Variants in COL4A5 observed in about 807,000 individuals in gnomAD.
The protein encoded by COL4A5 is collagen type IV alpha 5 chain.
Under a neutral mutation model 130.2 loss-of-function variants are expected in COL4A5, and 26 were observed. The ratio of observed to expected loss-of-function variants is 0.20; its 90% CI spans 0.15 to 0.28. The LOEUF (loss-of-function observed/expected upper bound fraction) is 0.28. COL4A5 is among the 10% of genes least tolerant of loss of function. The probability of loss-of-function intolerance (pLI) is 1.00; values close to 1 mark genes in which losing one functional copy is unlikely to be tolerated. For synonymous variants in COL4A5, 496 were observed against 439.6 expected (o/e 1.13, Z -1.60); for missense variants, 1,131 against 1,344.3 (o/e 0.84, Z 2.48).
chrX:108,694,985 C>T, intron 51 of COL4A5, 64 bp downstream of exon 51: 1 of 886,445 alleles, frequency 1.1e-6, no homozygotes, highest in Non-Finnish European at 1.7e-6. Context: ...TACATTTCTT[C>T]CCAATATGAG....
At position 108,603,257 on chromosome X, in the gene COL4A5, CAA is replaced by C. The variant is rs762022225; in HGVS notation, c.2244+215_2244+216del. On this transcript the variant is annotated intron_variant, in intron 28 of 52. Coordinates refer to ENST00000328300, the MANE Select transcript of COL4A5 (RefSeq NM_033380.3). ...TAATAGTCCAAGGTCACATTTGGAG[CAA>C]AAAAAAAAAAAAAAAAAACCTAATT... Among the ~76,000 whole-genome samples the C allele has an allele frequency of 0.012, 521 of 43,229 alleles. 4 individuals are homozygous for C. Among genetic ancestry groups the C allele is most frequent in the East Asian group, 0.068 (97 of 1,420 alleles). The allele number at this position is 43,229 out of a possible 115,157, so 37.5% of individuals were successfully genotyped here.
At chrX:108,548,731 T>C (rs2065705085) in intron 2 of COL4A5, among the ~76,000 whole-genome samples, 1 of 111,182 alleles carries the variant, frequency 9.0e-6, no homozygotes, top group South Asian at 3.8e-4. Flanking sequence ...TGAAAAAAGC[T>C]AGAGAAAAAT....
chrX:108,485,094 C>T (rs979689161), intron 1 of COL4A5, among the ~76,000 whole-genome samples: 8 of 111,972 alleles, frequency 7.1e-5, no homozygotes, highest in Non-Finnish European at 1.1e-4. Context: ...CACAGGCCCA[C>T]GGGGACTACT....
At chrX:108,454,873 A>G (rs1361635767) in intron 1 of COL4A5, among the ~76,000 whole-genome samples, 1 of 111,632 alleles carries the variant, frequency 9.0e-6, no homozygotes, top group Non-Finnish European at 1.9e-5. Context: ...TCAGCCTCCC[A>G]AAGTGCTGAG....
chrX:108,641,434 A>G (rs1007124249), intron 36 of COL4A5, among the ~76,000 whole-genome samples: 3 of 111,888 alleles, frequency 2.7e-5, no homozygotes, highest in Admixed American at 9.5e-5. Context: ...AGCAGCATAC[A>G]GAGGTACGCA....
At chrX:108,576,851 A>C (rs995551834) in intron 10 of COL4A5, among the ~76,000 whole-genome samples, 3 of 112,026 alleles carry the variant, frequency 2.7e-5, no homozygotes, top group Non-Finnish European at 5.6e-5. Flanking sequence ...TTGGGGGAAG[A>C]TGAGAAAACC....
intron 1 of COL4A5, among the ~76,000 whole-genome samples, chrX:108,471,994 C>G (rs1297812505): frequency 9.0e-6 from 1 of 111,264 alleles, no homozygotes; most frequent in Non-Finnish European, 1.9e-5. Context: ...TTCCTCGTTA[C>G]AATTTCCTTC....
chrX:108,516,375 T>C (rs1463838914), intron 1 of COL4A5, among the ~76,000 whole-genome samples: 2 of 112,087 alleles, frequency 1.8e-5, no homozygotes, highest in Non-Finnish European at 3.8e-5. Context: ...GGTACTGTGG[T>C]CTTTTTGTTT....
At chrX:108,489,175 T>TA in intron 1 of COL4A5, among the ~76,000 whole-genome samples, 1 of 112,076 alleles carries the variant, frequency 8.9e-6, no homozygotes, top group East Asian at 2.8e-4. Flanking sequence ...TTTTCTTCCT[T>TA]AATACCTAAG....
At chrX:108,484,083 T>A (rs1174333936) in intron 1 of COL4A5, among the ~76,000 whole-genome samples, 1 of 112,337 alleles carries the variant, frequency 8.9e-6, no homozygotes, top group African/African-American at 3.2e-5. Flanking sequence ...ACTTTGCTGA[T>A]AGTTTTTTTG....
chrX:108,601,345 A>T, intron 25 of COL4A5, 48 bp from the exon 26 acceptor site: 1 of 861,586 alleles, frequency 1.2e-6, no homozygotes, highest in Non-Finnish European at 1.7e-6. Context: ...AGAGACCTTT[A>T]GTTGAGTAAA....
At chrX:108,537,334 G>A (rs2147650379) in intron 1 of COL4A5, among the ~76,000 whole-genome samples, 1 of 111,096 alleles carries the variant, frequency 9.0e-6, no homozygotes, top group Admixed American at 9.6e-5. Context: ...ATTTTAAATT[G>A]AATTTAAACA....
chrX:108,572,407 C>G (rs771201084), intron 8 of COL4A5, among the ~76,000 whole-genome samples: 3 of 111,614 alleles, frequency 2.7e-5, no homozygotes, highest in Non-Finnish European at 3.8e-5. Context: ...GTTAATCCAC[C>G]CACAAAATAA....
chrX:108,580,694 G>A lies in COL4A5; in HGVS notation c.847G>A (p.Gly283Ser), dbSNP rs2066230252. 1 of 1,209,901 alleles carries A rather than the reference G, an allele frequency of 8.3e-7. No individual in the cohort carries two copies. The highest frequency in any genetic ancestry group is 1.7e-5 in the African/African-American group (1 of 57,624). ...TTTATGTGTACAGGGTCCCCCAGGT[G>A]GTGAGAAAGGTGAGAAGGGTGAGCA... ...GIRGPPGPPGGEKGEKGEQGE... is the reference protein window; with the variant it reads ...GIRGPPGPPGSEKGEKGEQGE... Residue 283 changes from glycine (G) to serine (S), a missense_variant, in exon 15 of 53, where the codon GGT becomes AGT. Transcript: ENST00000328300.
chrX:108,563,849 C>A (rs369520278), intron 3 of COL4A5, 33 bp from the exon 4 acceptor site: 3 of 1,182,359 alleles, frequency 2.5e-6, no homozygotes, highest in East Asian at 3.0e-5. Context: ...ACTTTTTTGA[C>A]GGACAAAAAC....
Position 108,591,278 on chromosome X carries a change from A to T in COL4A5, c.1339+47A>T, listed in dbSNP as rs1464097665. On this transcript the variant is annotated intron_variant, in intron 20 of 52. Transcript: ENST00000328300. ...TTAAGTTCTATTTTTGTTTTTGTTT[A>T]TTTTGTTTATAAGTAACTCTAGCTA... is the stretch of plus-strand genomic sequence containing the variant. The T allele has an allele frequency of 8.8e-7, 1 of 1,131,691 alleles. No homozygotes were observed. Among genetic ancestry groups the T allele is most frequent in the Admixed American group, 2.3e-5 (1 of 43,298 alleles). The allele number at this position is 1,131,691 out of a possible 1,213,427, so 93.3% of individuals were successfully genotyped here. A position where few individuals can be genotyped will look rare whatever the true frequency, so the allele number is the denominator to read the frequency against.
At chrX:108,595,806 A>G (rs41307397) in intron 22 of COL4A5, among the ~76,000 whole-genome samples, 7 of 112,710 alleles carry the variant, frequency 6.2e-5, no homozygotes, top group Non-Finnish European at 9.4e-5. Context: ...CTATTAAAGC[A>G]TTTTGACAAT....
rs758193188 is a variant in COL4A5, at chrX:108,668,430, C to T, written c.3716C>T (p.Pro1239Leu). The T allele has an allele frequency of 2.5e-6, 3 of 1,208,009 alleles. No homozygotes were observed. The highest frequency in any genetic ancestry group is 2.2e-6 in the Non-Finnish European group (2 of 894,402). Residue 1239 changes from proline to leucine, a missense_variant, in exon 41 of 53, where the codon CCT becomes CTT. Physicochemically the swap from Pro to Leu is moderately conservative, Grantham distance 98. Coordinates refer to ENST00000328300, the MANE Select transcript of COL4A5 (RefSeq NM_033380.3). ...GFPGVQGPPGPPGSPGPALEG... is the reference protein window; with the variant it reads ...GFPGVQGPPGLPGSPGPALEG... Reference sequence around the variant, plus strand: ...CCTGGTGTGCAGGGTCCCCCAGGCCCTCCTGGTTCTCCGGGTCCAGCTCTG... The same window carrying T: ...CCTGGTGTGCAGGGTCCCCCAGGCCTTCCTGGTTCTCCGGGTCCAGCTCTG...
intron 1 of COL4A5, among the ~76,000 whole-genome samples, chrX:108,494,845 T>G (rs1464774927): frequency 9.0e-6 from 1 of 111,730 alleles, no homozygotes; most frequent in African/African-American, 3.2e-5. Context: ...TGGGGATGAA[T>G]ACTTAGACTT....
Sources: allele counts gnomAD v4.1 joint callset (sites outside exome capture counted in the v4.1 genomes callset), GRCh38; gene constraint gnomAD v4.1.1; transcripts MANE v1.5; gene names NCBI Gene and HGNC (gene_info 2026-07-23, HGNC 2026-07-21).